The following TRAF3 variants were observed in gnomAD, a reference collection of about 807,000 sequenced individuals.
The protein encoded by TRAF3 is TNF receptor associated factor 3, also known as TNF receptor-associated factor 3.
A neutral mutation model predicts 62.3 loss-of-function variants in TRAF3; 13 were observed. The ratio of observed to expected loss-of-function variants is 0.21; its 90% CI spans 0.14 to 0.33. TRAF3 has a LOEUF of 0.33. TRAF3 is among the 10% of genes least tolerant of loss of function. TRAF3 has a pLI of 1.00. For synonymous variants in TRAF3, 269 were observed against 283.4 expected (o/e 0.95, Z 0.51); for missense variants, 440 against 741.8 (o/e 0.59, Z 4.73).
intron 2 of TRAF3, among the ~76,000 whole-genome samples, chr14:102,866,893 A>ACACAGG (rs1491204476): frequency 8.6e-6 from 1 of 115,646 alleles, no homozygotes; most frequent in African/African-American, 6.5e-5. Context: ...ACACACACAC[A>ACACAGG]AAACAATGAC....
intron 2 of TRAF3, among the ~76,000 whole-genome samples, chr14:102,845,580 A>G (rs1274030568): frequency 6.7e-6 from 1 of 148,478 alleles, no homozygotes; most frequent in Non-Finnish European, 1.5e-5. Context: ...CAGTGGCGCC[A>G]TCTCGGCTCA....
At chr14:102,875,783 C>A in intron 5 of TRAF3, 55 bp downstream of exon 5, 2 of 1,469,130 alleles carry the variant, frequency 1.4e-6, no homozygotes, top group Non-Finnish European at 1.9e-6. Flanking sequence ...GAGTCCCTTA[C>A]ATCCAGCTGA....
Position 102,905,676 on chromosome 14 carries a change from C to G in TRAF3, c.1599C>G (p.Gly533=), listed in dbSNP as rs1190395470. Reference sequence around the variant, plus strand: ...CTGGAGAGATGAATATCGCCTCTGGCTGCCCAGTCTTTGTGGCCCAAACTG... The same window carrying G: ...CTGGAGAGATGAATATCGCCTCTGGGTGCCCAGTCTTTGTGGCCCAAACTG... The part of the protein sequence containing the change: ...KPTGEMNIAS[G]CPVFVAQTVL... Residue 533 remains glycine (G), a synonymous_variant, in exon 12 of 12, where the codon GGC becomes GGG. Coordinates refer to ENST00000392745, the MANE Select transcript of TRAF3 (RefSeq NM_145725.3). 14 of 1,612,694 alleles carry G rather than the reference C, an allele frequency of 8.7e-6. No homozygotes were observed. Among genetic ancestry groups the G allele is most frequent in the Non-Finnish European group, 1.2e-5 (14 of 1,178,816 alleles).
chr14:102,886,359 T>G (rs547326283), intron 7 of TRAF3, 90 bp downstream of exon 7: 1 of 1,184,816 alleles, frequency 8.4e-7, no homozygotes, highest in African/African-American at 1.5e-5. Flanking sequence ...AGCCTCACGT[T>G]TTCCCAGTTC....
At chr14:102,845,293 C>G (rs1886631903) in intron 2 of TRAF3, among the ~76,000 whole-genome samples, 1 of 151,666 alleles carries the variant, frequency 6.6e-6, no homozygotes, top group African/African-American at 2.4e-5. Context: ...AGCTCTGCCT[C>G]CCGGGTTCAA....
intron 2 of TRAF3, among the ~76,000 whole-genome samples, chr14:102,863,963 C>T (rs1440801100): frequency 6.6e-6 from 1 of 152,128 alleles, no homozygotes; most frequent in Non-Finnish European, 1.5e-5. Flanking sequence ...GTGGCAGCCT[C>T]TTGTCTTCTA....
intron 2 of TRAF3, among the ~76,000 whole-genome samples, chr14:102,863,120 C>G (rs962980146): frequency 6.6e-6 from 1 of 152,156 alleles, no homozygotes; most frequent in Admixed American, 6.5e-5. Flanking sequence ...TCCTCTTAAA[C>G]AATTTCTGTT....
intron 9 of TRAF3, among the ~76,000 whole-genome samples, chr14:102,896,397 A>G (rs1833624903): frequency 6.6e-6 from 1 of 152,130 alleles, no homozygotes; most frequent in African/African-American, 2.4e-5. Flanking sequence ...ATGAGAGTGC[A>G]TCGTGTTTGC....
Position 102,886,179 on chromosome 14 carries a change from C to G in TRAF3, c.571-10C>G, listed in dbSNP as rs377395861. On this transcript the variant is annotated splice_polypyrimidine_tract_variant and intron_variant, in intron 6 of 11. Coordinates refer to ENST00000392745, the MANE Select transcript of TRAF3 (RefSeq NM_145725.3). Reference sequence around the variant, plus strand: ...GTGTTTAAAGTTGATAGTACTTTCTCTCTCTGTAGAAACACGAAGACACCG... The same window carrying G: ...GTGTTTAAAGTTGATAGTACTTTCTGTCTCTGTAGAAACACGAAGACACCG... The G allele has an allele frequency of 6.2e-7, 1 of 1,612,868 alleles. No homozygotes were observed. The highest frequency in any genetic ancestry group is 8.5e-7 in the Non-Finnish European group (1 of 1,179,328).
intron 2 of TRAF3, among the ~76,000 whole-genome samples, chr14:102,862,817 AC>A (rs1304745921): frequency 2.6e-5 from 4 of 151,904 alleles, no homozygotes; most frequent in African/African-American, 9.7e-5. Context: ...TCTGTTCCTT[AC>A]ACTTTATAAT....
intron 1 of TRAF3, among the ~76,000 whole-genome samples, chr14:102,801,729 T>A (rs995672037): frequency 3.3e-5 from 5 of 151,810 alleles, no homozygotes; most frequent in Admixed American, 2.0e-4. Context: ...ATTAAAAAAA[T>A]TTTTTTTGGT....
At chr14:102,811,928 T>C (rs944226998) in intron 1 of TRAF3, among the ~76,000 whole-genome samples, 1 of 117,478 alleles carries the variant, frequency 8.5e-6, no homozygotes, top group African/African-American at 3.2e-5. Context: ...TTTTTTTTTT[T>C]TTTTTTTTTT....
At chr14:102,866,346 A>G (rs1055982816) in intron 2 of TRAF3, among the ~76,000 whole-genome samples, 3 of 152,174 alleles carry the variant, frequency 2.0e-5, no homozygotes, top group Admixed American at 6.5e-5. Context: ...GCAAACCACA[A>G]CGGCACGTGT....
At chr14:102,807,521 G>A (rs1466271379) in intron 1 of TRAF3, among the ~76,000 whole-genome samples, 1 of 152,160 alleles carries the variant, frequency 6.6e-6, no homozygotes, top group African/African-American at 2.4e-5. Context: ...TTGGTCTCCT[G>A]GCCTCAAGCA....
rs71119743 is a variant in TRAF3 at position 102,811,913 on chromosome 14, C to CTTTTTTTTTTTTTT, written c.-156-18404_-156-18391dup. ...TAGGCTTGTGCCACCATGCCTGGCC[C>CTTTTTTTTTTTTTT]TTTTTTTTTTTTTTTTTTTTTTTTT... On this transcript the variant is annotated intron_variant, in intron 1 of 11. Transcript: ENST00000392745. Among the ~76,000 whole-genome samples the CTTTTTTTTTTTTTT allele has an allele frequency of 3.3e-3, 156 of 47,096 alleles. 38 individuals are homozygous for CTTTTTTTTTTTTTT. Among genetic ancestry groups the CTTTTTTTTTTTTTT allele is most frequent in the East Asian group, 4.9e-3 (5 of 1,014 alleles). The allele number at this position is 47,096 out of a possible 152,430, so 30.9% of individuals were successfully genotyped here. A position where few individuals can be genotyped will look rare whatever the true frequency, so the allele number is the denominator to read the frequency against.
chr14:102,798,640 A>C (rs1158051402), intron 1 of TRAF3, among the ~76,000 whole-genome samples: 2 of 152,126 alleles, frequency 1.3e-5, no homozygotes, highest in Non-Finnish European at 2.9e-5. Flanking sequence ...ACCCTGTCTC[A>C]AAAACAAAAT....
At chr14:102,818,172 A>G (rs1899653692) in intron 1 of TRAF3, among the ~76,000 whole-genome samples, 1 of 152,130 alleles carries the variant, frequency 6.6e-6, no homozygotes, top group Non-Finnish European at 1.5e-5. Flanking sequence ...CAAATACACC[A>G]TTTGTCTTTA....
Position 102,905,966 on chromosome 14 carries a change from A to AC in TRAF3, c.*183dup. The AC allele has an allele frequency of 3.7e-6, 2 of 544,354 alleles. No individual in the cohort carries two copies. Among genetic ancestry groups the AC allele is most frequent in the Non-Finnish European group, 6.5e-6 (2 of 308,612 alleles). 33.7% of individuals were successfully genotyped at this position (544,354 alleles called of 1,614,324 possible). On this transcript the variant is annotated 3_prime_UTR_variant, in exon 12 of 12. Transcript: ENST00000392745. Reference sequence around the variant, plus strand: ...GCACACCTGACACGTTTTATAATAGACTAGCCACACTTCACTCTGAAGAAT... The same window carrying AC: ...GCACACCTGACACGTTTTATAATAGACCTAGCCACACTTCACTCTGAAGAAT...
intron 1 of TRAF3, among the ~76,000 whole-genome samples, chr14:102,786,611 CG>C (rs1003435632): frequency 1.3e-5 from 2 of 151,914 alleles, no homozygotes; most frequent in Non-Finnish European, 2.9e-5. Context: ...TGCTTGAACC[CG>C]GGAGGCAGAG....
Sources: gnomAD v4.1 joint callset for allele counts (sites outside exome capture counted in the v4.1 genomes callset) on GRCh38, gnomAD v4.1.1 for gene constraint, MANE v1.5 for transcripts, NCBI Gene and HGNC (gene_info 2026-07-23, HGNC 2026-07-21) for gene names.